The following SLCO5A1 variants were observed in gnomAD, a reference collection of about 807,000 sequenced individuals.
The protein encoded by SLCO5A1 is solute carrier organic anion transporter family member 5A1.
In SLCO5A1, 39 loss-of-function variants were observed where a neutral mutation model predicts 65.1. The ratio of observed to expected loss-of-function variants is 0.60; its 90% confidence interval spans 0.46 to 0.78. The LOEUF is 0.78. SLCO5A1 is among the 30% of genes least tolerant of loss of function. The pLI is 0.00. For missense variants in SLCO5A1, 1,029 were observed against 1,069.4 expected (o/e 0.96, Z 0.53); for synonymous variants, 438 against 415.7 (o/e 1.05, Z -0.65).
chr8:69,782,457 A>C (rs2130883804), intron 2 of SLCO5A1, among the ~76,000 whole-genome samples: 1 of 151,426 alleles, frequency 6.6e-6, no homozygotes, highest in African/African-American at 2.4e-5. Flanking sequence ...GCATGCACCT[A>C]TGGCCTCAAC....
chr8:69,752,056 C>A (rs951503044), intron 4 of SLCO5A1, among the ~76,000 whole-genome samples: 1 of 152,086 alleles, frequency 6.6e-6, no homozygotes, highest in Non-Finnish European at 1.5e-5. Context: ...CATGGTAAAA[C>A]CCCATCTGTA....
intron 6 of SLCO5A1, among the ~76,000 whole-genome samples, chr8:69,683,581 GAGA>G (rs1813876007): frequency 1.2e-4 from 16 of 138,264 alleles, no homozygotes; most frequent in African/African-American, 3.7e-4. Flanking sequence ...TTTTTTTTTT[GAGA>G]AGGAGTCTCA....
chr8:69,726,353 G>A (rs1157928518), intron 5 of SLCO5A1, among the ~76,000 whole-genome samples: 5 of 152,042 alleles, frequency 3.3e-5, no homozygotes, highest in African/African-American at 4.8e-5. Flanking sequence ...ACCCTACACC[G>A]ATTCAGCTGA....
intron 2 of SLCO5A1, among the ~76,000 whole-genome samples, chr8:69,807,971 G>A (rs971189566): frequency 2.6e-5 from 4 of 152,114 alleles, no homozygotes; most frequent in African/African-American, 9.7e-5. Flanking sequence ...CCAAAGTGCT[G>A]GGATTACAGG....
chr8:69,750,601 T>C (rs1178185550), intron 4 of SLCO5A1, among the ~76,000 whole-genome samples: 1 of 152,108 alleles, frequency 6.6e-6, no homozygotes, highest in Non-Finnish European at 1.5e-5. Context: ...AGTCCCAGTT[T>C]TCTGGCCTTT....
intron 7 of SLCO5A1, 129 bp from the exon 8 acceptor site, chr8:69,679,748 A>G: frequency 3.1e-6 from 4 of 1,289,864 alleles, no homozygotes; most frequent in Non-Finnish European, 4.3e-6. Context: ...AAAATATTTC[A>G]TTGAAAGTAC....
At chr8:69,778,228 G>GGTGTGTGT (rs71556783) in intron 2 of SLCO5A1, among the ~76,000 whole-genome samples, 3 of 143,038 alleles carry the variant, frequency 2.1e-5, no homozygotes, top group Admixed American at 7.0e-5. Context: ...ATATGTATGG[G>GGTGTGTGT]GTGTGTGTGT....
At chr8:69,784,873 GAGA>G (rs1818960763) in intron 2 of SLCO5A1, among the ~76,000 whole-genome samples, 7 of 67,182 alleles carry the variant, frequency 1.0e-4, no homozygotes, top group Non-Finnish European at 1.8e-4. Context: ...GGGAAGGAAG[GAGA>G]AAGAAAGAAA....
chr8:69,704,533 C>T (rs1814886097), intron 6 of SLCO5A1, among the ~76,000 whole-genome samples: 2 of 152,070 alleles, frequency 1.3e-5, no homozygotes, highest in African/African-American at 4.8e-5. Context: ...AATACATATC[C>T]ACAATGTCTT....
At position 69,832,967 on chromosome 8, in the gene SLCO5A1, C is replaced by A; in HGVS notation, c.-294G>T. 2 of 398,352 alleles carry A rather than the reference C, an allele frequency of 5.0e-6. No homozygotes were observed. Among genetic ancestry groups the A allele is most frequent in the Non-Finnish European group, 4.4e-6 (1 of 229,254 alleles). 24.7% of individuals were successfully genotyped at this position (398,352 alleles called of 1,614,324 possible). A position where few individuals can be genotyped will look rare whatever the true frequency, so the allele number is the denominator to read the frequency against. ...TCTCCGGGCGGTAGCTTGAGGCAGG[C>A]GCCTCGCGCGTCCCGGGCTCATCCC... On this transcript the variant is annotated 5_prime_UTR_variant, in exon 2 of 10. Coordinates refer to ENST00000260126, the MANE Select transcript of SLCO5A1 (RefSeq NM_030958.3). The surrounding 1 kb of genome is among the most constrained non-coding windows in gnomAD (Gnocchi z 4.5).
At chr8:69,732,772 C>T (rs1720700097) in intron 5 of SLCO5A1, among the ~76,000 whole-genome samples, 2 of 152,022 alleles carry the variant, frequency 1.3e-5, no homozygotes, top group Non-Finnish European at 2.9e-5. Flanking sequence ...GCCTGTAGTC[C>T]CAGCTACTTG....
intron 4 of SLCO5A1, among the ~76,000 whole-genome samples, chr8:69,739,386 T>C (rs892212526): frequency 6.6e-6 from 1 of 152,156 alleles, no homozygotes; most frequent in Non-Finnish European, 1.5e-5. Context: ...CTTAAACATC[T>C]GGGAAAAATA....
chr8:69,702,197 T>A (rs1347094231), intron 6 of SLCO5A1, among the ~76,000 whole-genome samples: 1 of 152,260 alleles, frequency 6.6e-6, no homozygotes, highest in Non-Finnish European at 1.5e-5. Flanking sequence ...TCTTAATTTA[T>A]TAGTGATGAC....
intron 2 of SLCO5A1, among the ~76,000 whole-genome samples, chr8:69,821,518 G>C (rs1427390551): frequency 6.6e-6 from 1 of 151,836 alleles, no homozygotes; most frequent in Non-Finnish European, 1.5e-5. Flanking sequence ...AAGAAAATAG[G>C]CCAGAATAGA....
At chr8:69,692,994 G>A (rs986640306) in intron 6 of SLCO5A1, among the ~76,000 whole-genome samples, 4 of 152,160 alleles carry the variant, frequency 2.6e-5, no homozygotes, top group African/African-American at 9.7e-5. Flanking sequence ...CTGTACTATT[G>A]AAGGACTGCC....
chr8:69,682,247 A>G lies in SLCO5A1; in HGVS notation c.1719T>C (p.Asp573=). Residue 573 remains aspartate, a synonymous_variant, in exon 7 of 10, where the codon GAT becomes GAC. Transcript: ENST00000260126. ...GACAAGGGTTAAAGTATGTAATTCCATCTGATCCACAGACTGGCTCATACT... is the reference window on the plus strand; with the variant it reads ...GACAAGGGTTAAAGTATGTAATTCCGTCTGATCCACAGACTGGCTCATACT... ...IHEYEPVCGS[D]GITYFNPCLA... The G allele has an allele frequency of 6.2e-7, 1 of 1,613,270 alleles. No individual in the cohort carries two copies.
At chr8:69,723,134 G>A (rs1399289592) in intron 5 of SLCO5A1, among the ~76,000 whole-genome samples, 1 of 152,022 alleles carries the variant, frequency 6.6e-6, no homozygotes, top group East Asian at 1.9e-4. Flanking sequence ...TTGTAAAGAT[G>A]TATTTGTTTT....
chr8:69,784,860 A>AAAGAAAGAAAGAAAGG (rs1445436513), intron 2 of SLCO5A1, among the ~76,000 whole-genome samples: 59 of 141,174 alleles, frequency 4.2e-4, no homozygotes, highest in African/African-American at 1.0e-3. Context: ...AGAAAGAAAG[A>AAAGAAAGAAAGAAAGG]AAGGGAAGGA....
chr8:69,676,567 A>G (rs370581007), intron 9 of SLCO5A1, 42 bp downstream of exon 9: 2 of 1,575,202 alleles, frequency 1.3e-6, no homozygotes, highest in East Asian at 2.3e-5. Flanking sequence ...TGCCATCTGC[A>G]AAGAGGAACT....
Sources: allele counts gnomAD v4.1 joint callset (sites outside exome capture counted in the v4.1 genomes callset), GRCh38; gene constraint gnomAD v4.1.1; non-coding constraint Gnocchi (gnomAD v3.1); transcripts MANE v1.5; gene names NCBI Gene and HGNC (gene_info 2026-07-23, HGNC 2026-07-21).